The following CDH12 variants were observed in gnomAD, a reference collection of about 807,000 sequenced individuals.
The protein encoded by CDH12 is cadherin 12.
Under a neutral mutation model 74.1 loss-of-function variants are expected in CDH12, and 41 were observed. The ratio of observed to expected loss-of-function variants is 0.55; its 90% confidence interval spans 0.43 to 0.72. CDH12 has a LOEUF of 0.72. Among genes scored for constraint, CDH12 ranks in the 30% least tolerant of loss-of-function variants. The probability of loss-of-function intolerance (pLI) is 0.00; values close to 1 mark genes in which losing one functional copy is unlikely to be tolerated. For missense variants in CDH12, 945 were observed against 977.2 expected, an observed-to-expected ratio of 0.97 and a Z score of 0.44; for synonymous variants, 399 against 355.0, an observed-to-expected ratio of 1.12 and a Z score of -1.39.
chr5:22,258,590 T>C (rs1445201365), intron 3 of CDH12, among the ~76,000 whole-genome samples: 1 of 152,026 alleles, frequency 6.6e-6, no homozygotes, highest in Non-Finnish European at 1.5e-5. Context: ...CACTCACCAC[T>C]CATTCACTGA....
At chr5:22,536,254 C>G (rs1414739063) in intron 1 of CDH12, among the ~76,000 whole-genome samples, 2 of 152,196 alleles carry the variant, frequency 1.3e-5, no homozygotes, top group Non-Finnish European at 2.9e-5. Context: ...TCTCATCATT[C>G]TATGTCTTAG....
At chr5:21,955,551 A>G (rs907263918) in intron 6 of CDH12, among the ~76,000 whole-genome samples, 4 of 152,130 alleles carry the variant, frequency 2.6e-5, no homozygotes, top group Admixed American at 1.3e-4. Flanking sequence ...AGAAGAACCC[A>G]GAGAGGTAAG....
intron 6 of CDH12, among the ~76,000 whole-genome samples, chr5:21,863,664 G>C (rs1425744949): frequency 6.6e-6 from 1 of 152,050 alleles, no homozygotes. Context: ...ACTAAATTGG[G>C]GGTTCTGCTG....
intron 1 of CDH12, among the ~76,000 whole-genome samples, chr5:22,575,932 C>T (rs1348563390): frequency 1.3e-5 from 2 of 152,000 alleles, no homozygotes; most frequent in African/African-American, 4.8e-5. Flanking sequence ...AGGGTTTCTA[C>T]AGGCTGGTCT....
intron 3 of CDH12, among the ~76,000 whole-genome samples, chr5:22,392,248 G>A (rs1742278551): frequency 6.6e-6 from 1 of 152,124 alleles, no homozygotes; most frequent in Admixed American, 6.6e-5. Context: ...CTGTTGAGAA[G>A]TTTGAAGTTG....
intron 3 of CDH12, among the ~76,000 whole-genome samples, chr5:22,267,275 T>C (rs533299870): frequency 2.6e-5 from 4 of 152,202 alleles, no homozygotes; most frequent in Non-Finnish European, 5.9e-5. Flanking sequence ...TGATCAACTG[T>C]TATGAGTAAC....
chr5:22,058,402 T>C (rs1740902892), intron 5 of CDH12, among the ~76,000 whole-genome samples: 1 of 152,146 alleles, frequency 6.6e-6, no homozygotes, highest in Non-Finnish European at 1.5e-5. Flanking sequence ...CAGGCATGGC[T>C]TCATAAGGTA....
intron 6 of CDH12, among the ~76,000 whole-genome samples, chr5:21,910,937 T>A (rs1753835518): frequency 6.6e-6 from 1 of 152,158 alleles, no homozygotes; most frequent in Non-Finnish European, 1.5e-5. Flanking sequence ...AATTAGCAAT[T>A]TCTGTCTCTG....
Position 22,585,377 on chromosome 5 carries a change from C to CT in CDH12, c.-522-80014dup, listed in dbSNP as rs540770935. Among the ~76,000 whole-genome samples the CT allele has an allele frequency of 1.9e-3, 289 of 152,042 alleles. 3 individuals are homozygous for CT. In the Middle Eastern group the frequency reaches 0.034, roughly 18 times the overall value. On this transcript the variant is annotated intron_variant, in intron 1 of 14. Transcript: ENST00000382254. ...CAATGATTTCTTTAGGCATAGAGCT[C>CT]TTTTTTTTACCTATACTGTTTGAGA...
At chr5:22,829,930 C>T (rs915453309) in intron 1 of CDH12, among the ~76,000 whole-genome samples, 1 of 152,184 alleles carries the variant, frequency 6.6e-6, no homozygotes, top group Non-Finnish European at 1.5e-5. Context: ...TGAAAAACCA[C>T]AGCTTTTTAA....
At chr5:22,318,520 G>T (rs1350278670) in intron 3 of CDH12, among the ~76,000 whole-genome samples, 1 of 152,116 alleles carries the variant, frequency 6.6e-6, no homozygotes, top group Non-Finnish European at 1.5e-5. Context: ...TTTGAAGATT[G>T]CATGGCCTCA....
intron 1 of CDH12, among the ~76,000 whole-genome samples, chr5:22,639,425 T>A (rs1424954152): frequency 6.9e-6 from 1 of 145,036 alleles, no homozygotes; most frequent in Non-Finnish European, 1.5e-5. Flanking sequence ...TTTAAGCTTT[T>A]CTTCTTCTTT....
intron 3 of CDH12, among the ~76,000 whole-genome samples, chr5:22,261,130 G>A (rs1472601305): frequency 6.6e-6 from 1 of 151,170 alleles, no homozygotes; most frequent in Non-Finnish European, 1.5e-5. Flanking sequence ...TAAAAGCTAT[G>A]GGACTTCAAT....
intron 6 of CDH12, among the ~76,000 whole-genome samples, chr5:21,856,652 C>A (rs2150002996): frequency 6.6e-6 from 1 of 151,762 alleles, no homozygotes; most frequent in Middle Eastern, 3.4e-3. Context: ...CTATGCTGAA[C>A]AAATATGTTC....
chr5:22,517,023 A>C (rs551873458), intron 1 of CDH12, among the ~76,000 whole-genome samples: 2 of 152,016 alleles, frequency 1.3e-5, no homozygotes, highest in Non-Finnish European at 2.9e-5. Flanking sequence ...ATTGAATTAC[A>C]TTTTCTTTTT....
intron 5 of CDH12, among the ~76,000 whole-genome samples, chr5:22,004,273 T>C (rs1188154964): frequency 6.6e-6 from 1 of 152,186 alleles, no homozygotes; most frequent in Non-Finnish European, 1.5e-5. Flanking sequence ...TCTGTAGTAA[T>C]TGTCAAAGCT....
chr5:21,890,863 G>A (rs1028435455), intron 6 of CDH12, among the ~76,000 whole-genome samples: 6 of 151,990 alleles, frequency 3.9e-5, no homozygotes, highest in African/African-American at 1.4e-4. Context: ...CAAAGAAAGA[G>A]CAAAAATAGA....
chr5:22,335,745 C>T (rs1023134936), intron 3 of CDH12, among the ~76,000 whole-genome samples: 2 of 152,154 alleles, frequency 1.3e-5, no homozygotes, highest in Non-Finnish European at 2.9e-5. Flanking sequence ...CAATTAAACT[C>T]CTTTCCTTTG....
chr5:22,302,735 G>A (rs1214445882), intron 3 of CDH12, among the ~76,000 whole-genome samples: 1 of 152,040 alleles, frequency 6.6e-6, no homozygotes, highest in Non-Finnish European at 1.5e-5. Context: ...GGCAAAATAA[G>A]AGTAATTTTG....
Sources: gnomAD v4.1 joint callset for allele counts (sites outside exome capture counted in the v4.1 genomes callset) on GRCh38, gnomAD v4.1.1 for gene constraint, MANE v1.5 for transcripts, NCBI Gene and HGNC (gene_info 2026-07-23, HGNC 2026-07-21) for gene names.